The following STK32B variants were observed in gnomAD, a reference collection of about 807,000 sequenced individuals.
STK32B encodes the protein serine/threonine kinase 32B, also known as serine/threonine-protein kinase 32B.
Under a neutral mutation model 52.6 loss-of-function variants are expected in STK32B, and 43 were observed. The observed-to-expected ratio is 0.82, with a 90% CI of 0.64 to 1.05. STK32B has a LOEUF of 1.05. STK32B is among the 50% of genes least tolerant of loss of function. STK32B has a pLI of 0.00. For synonymous variants in STK32B, 238 were observed against 204.3 expected (o/e 1.17, Z -1.41); for missense variants, 621 against 534.6 (o/e 1.16, Z -1.59).
intron 6 of STK32B, among the ~76,000 whole-genome samples, chr4:5,446,077 AG>A (rs1413232424): frequency 6.6e-6 from 1 of 152,116 alleles, no homozygotes; most frequent in African/African-American, 2.4e-5. Context: ...CACCCCCTCC[AG>A]GGGCATGTCT....
rs767440822 is a variant in STK32B at position 5,499,084 on chromosome 4, G to C, written c.*1G>C. On this transcript the variant is annotated 3_prime_UTR_variant, in exon 12 of 12. Transcript: ENST00000282908. ...CTGCACCCGTGGCTGCAGCAGCTGA[G>C]CCCACACTTGTTGCTGCTCAACAGG... 5.6e-6 allele frequency: 9 copies of C among 1,607,516 alleles called. No individual in the cohort carries two copies. The East Asian group carries it at 2.0e-4, about 36-fold the overall frequency.
chr4:5,272,548 T>G (rs1357595909), intron 3 of STK32B, among the ~76,000 whole-genome samples: 1 of 151,774 alleles, frequency 6.6e-6, no homozygotes, highest in African/African-American at 2.4e-5. Context: ...TTCCCTCTTT[T>G]TCTATTGATT....
At chr4:5,391,491 C>T (rs1164206505) in intron 4 of STK32B, among the ~76,000 whole-genome samples, 1 of 152,168 alleles carries the variant, frequency 6.6e-6, no homozygotes, top group African/African-American at 2.4e-5. Context: ...TTTTGCAACC[C>T]TTGACAATAT....
At position 5,194,799 on chromosome 4, in the gene STK32B, C is replaced by T. The variant is rs149843035; in HGVS notation, c.260+26349C>T. On this transcript the variant is annotated intron_variant, in intron 3 of 11. Transcript: ENST00000282908. ...TTTACAATCATGGTAGAAGGCAAAGCGTTACCAAAGATGTCTTACATGGCA... is the reference window on the plus strand; with the variant it reads ...TTTACAATCATGGTAGAAGGCAAAGTGTTACCAAAGATGTCTTACATGGCA... Among the ~76,000 whole-genome samples, 308 of 152,196 alleles carry T rather than the reference C, an allele frequency of 2.0e-3. 1 individual carries two copies. Among genetic ancestry groups the T allele is most frequent in the African/African-American group, 6.9e-3 (287 of 41,538 alleles).
intron 4 of STK32B, among the ~76,000 whole-genome samples, chr4:5,342,493 T>G (rs1733152991): frequency 6.6e-6 from 1 of 152,202 alleles, no homozygotes; most frequent in Admixed American, 6.5e-5. Context: ...GGTTGGGAAC[T>G]GAACAATGAG....
chr4:5,466,854 C>A lies in STK32B; in HGVS notation c.1041+20C>A. The A allele has an allele frequency of 1.2e-6, 2 of 1,608,460 alleles. No individual in the cohort carries two copies. The highest frequency in any genetic ancestry group is 1.7e-4 in the Middle Eastern group (1 of 6,022). On this transcript the variant is annotated intron_variant, in intron 10 of 11. Transcript: ENST00000282908. ...CCGCTGGTGAGTGCTTCGTGGGAGC[C>A]GTTCCGGGAGAGAAATCCTGTGCTC...
chr4:5,179,882 C>T (rs1720225858), intron 3 of STK32B, among the ~76,000 whole-genome samples: 1 of 152,222 alleles, frequency 6.6e-6, no homozygotes, highest in African/African-American at 2.4e-5. Context: ...ACATTGAGCC[C>T]TGGCGGGTCC....
At chr4:5,136,207 A>G (rs896153228) in intron 1 of STK32B, among the ~76,000 whole-genome samples, 1 of 152,226 alleles carries the variant, frequency 6.6e-6, no homozygotes, top group Non-Finnish European at 1.5e-5. Flanking sequence ...GGGAGAATTG[A>G]GCCTGGCTGA....
intron 11 of STK32B, among the ~76,000 whole-genome samples, chr4:5,474,977 G>A (rs1403495914): frequency 2.6e-5 from 4 of 152,112 alleles, no homozygotes; most frequent in Admixed American, 6.5e-5. Context: ...AATGCCTTTC[G>A]AATGACTGGG....
chr4:5,161,966 G>A (rs775710001), intron 2 of STK32B, among the ~76,000 whole-genome samples: 1 of 152,164 alleles, frequency 6.6e-6, no homozygotes, highest in Non-Finnish European at 1.5e-5. Flanking sequence ...CAAGCTGGGG[G>A]ATGGTAGAGA....
intron 1 of STK32B, among the ~76,000 whole-genome samples, chr4:5,087,949 A>G (rs4438709): frequency 0.39 from 59,038 of 151,874 alleles, 12,197 homozygotes; most frequent in Non-Finnish European, 0.47. Flanking sequence ...ACTATAACTG[A>G]TGGACATGTA....
chr4:5,189,718 G>C (rs923095144), intron 3 of STK32B, among the ~76,000 whole-genome samples: 29 of 152,214 alleles, frequency 1.9e-4, no homozygotes, highest in African/African-American at 7.0e-4. Flanking sequence ...GCTTAGTTTG[G>C]TAAGACATTG....
intron 11 of STK32B, among the ~76,000 whole-genome samples, chr4:5,478,802 T>C (rs1341289840): frequency 1.3e-5 from 2 of 152,136 alleles, no homozygotes; most frequent in Non-Finnish European, 2.9e-5. Context: ...CGGGCTGCCT[T>C]GACTGGAGCA....
At chr4:5,024,087 A>G in the STK32B span, among the ~76,000 whole-genome samples, 6 of 152,222 alleles carry the variant, frequency 3.9e-5, no homozygotes, top group African/African-American at 1.4e-4. Flanking sequence ...GAAGTCACTA[A>G]GGAATTATCT....
At chr4:5,298,693 A>G (rs1181697912) in intron 3 of STK32B, among the ~76,000 whole-genome samples, 3 of 152,120 alleles carry the variant, frequency 2.0e-5, no homozygotes, top group African/African-American at 7.2e-5. Context: ...GGCAGCAAGA[A>G]TTTCAAGCCA....
rs201396823 is a variant in STK32B, at chr4:5,438,047, C to T, written c.563-8626C>T. ...TCTGCTGCTGCTTCTACCCTGAGTT[C>T]TGAATGGACTTGGGGCTGCCAGGCA... On this transcript the variant is annotated intron_variant, in intron 6 of 11. Coordinates refer to ENST00000282908, the MANE Select transcript of STK32B (RefSeq NM_018401.3). The T allele has an allele frequency of 1.8e-5, 18 of 985,620 alleles. No individual in the cohort carries two copies. The East Asian group carries it at 9.1e-4, about 50-fold the overall frequency. 61.1% of individuals were successfully genotyped at this position (985,620 alleles called of 1,614,324 possible). A position where few individuals can be genotyped will look rare whatever the true frequency, so the allele number is the denominator to read the frequency against.
chr4:5,205,714 G>GCA (rs1319046060), intron 3 of STK32B, among the ~76,000 whole-genome samples: 4,845 of 145,362 alleles, frequency 0.033, 129 homozygotes, highest in Middle Eastern at 0.069. Flanking sequence ...GTGTGTGTGT[G>GCA]TGTGTGTGTG....
intron 4 of STK32B, among the ~76,000 whole-genome samples, chr4:5,362,332 C>T (rs1344945947): frequency 6.6e-6 from 1 of 152,162 alleles, no homozygotes; most frequent in Non-Finnish European, 1.5e-5. Context: ...TCAAGTGCCC[C>T]AATTCTTCCT....
chr4:5,114,835 C>A (rs2108805305), intron 1 of STK32B, among the ~76,000 whole-genome samples: 1 of 152,232 alleles, frequency 6.6e-6, no homozygotes, highest in African/African-American at 2.4e-5. Flanking sequence ...GCTCGTTATT[C>A]CACGGGGTGG....
Sources: gnomAD v4.1 joint callset for allele counts (sites outside exome capture counted in the v4.1 genomes callset) on GRCh38, gnomAD v4.1.1 for gene constraint, MANE v1.5 for transcripts, NCBI Gene and HGNC (gene_info 2026-07-23, HGNC 2026-07-21) for gene names.